Variants in SLC35E2B observed in about 807,000 individuals in gnomAD.
SLC35E2B encodes solute carrier family 35 member E2B.
In SLC35E2B, 18 loss-of-function variants were observed where a neutral mutation model predicts 32.4. That is an observed-to-expected ratio of 0.56 (90% CI 0.38 to 0.82). The LOEUF (loss-of-function observed/expected upper bound fraction) is 0.82. SLC35E2B is among the 40% of genes least tolerant of loss of function. SLC35E2B has a pLI of 0.00. For synonymous variants in SLC35E2B, 132 were observed against 209.1 expected (o/e 0.63, Z 3.18); for missense variants, 263 against 469.5 (o/e 0.56, Z 4.06).
At chr1:1,684,518 A>G (rs1337421137) in intron 2 of SLC35E2B, among the ~76,000 whole-genome samples, 1 of 152,042 alleles carries the variant, frequency 6.6e-6, no homozygotes, top group Non-Finnish European at 1.5e-5. Flanking sequence ...GAGGCTGGGC[A>G]CAGTGGCTCA....
rs1352553579 is a variant in SLC35E2B, at chr1:1,662,987, T to C, written c.*2795A>G. 1.1e-6 allele frequency: 1 copy of C among 944,998 alleles called. No homozygotes were observed. The highest frequency in any genetic ancestry group is 1.1e-4 in the East Asian group (1 of 8,732). The allele number at this position is 944,998 out of a possible 1,614,324, so 58.5% of individuals were successfully genotyped here. On this transcript the variant is annotated 3_prime_UTR_variant, in exon 10 of 10. Coordinates refer to ENST00000617444, the MANE Select transcript of SLC35E2B (RefSeq NM_001290264.2). ...GCCAAGCCAGGCCTTGGGTTTTGCCTCTTGGTGCCCGGCTGTGCTGGGAAT... is the reference window on the plus strand; with the variant it reads ...GCCAAGCCAGGCCTTGGGTTTTGCCCCTTGGTGCCCGGCTGTGCTGGGAAT...
chr1:1,662,380 A>C lies in SLC35E2B; in HGVS notation c.*3402T>G. ...GGCCATCCTTTGGACACATGTAAAA[A>C]GCTGTCTTGTTGGCCTGTTATTCCC... is the stretch of plus-strand genomic sequence containing the variant. On this transcript the variant is annotated 3_prime_UTR_variant, in exon 10 of 10. Transcript: ENST00000617444. The C allele has an allele frequency of 2.2e-6, 2 of 889,378 alleles. No homozygotes were observed. The highest frequency in any genetic ancestry group is 1.3e-6 in the Non-Finnish European group (1 of 753,654). The allele number at this position is 889,378 out of a possible 1,614,324, so 55.1% of individuals were successfully genotyped here. A position where few individuals can be genotyped will look rare whatever the true frequency, so the allele number is the denominator to read the frequency against.
At position 1,684,429 on chromosome 1, in the gene SLC35E2B, G is replaced by A. The variant is rs570262092; in HGVS notation, c.-148+6547C>T. On this transcript the variant is annotated intron_variant, in intron 2 of 9. Transcript: ENST00000617444. ...ATCACAACTCAGACCATGGTAAGTGGGGACCACCCACAACCCAAGTGGGCC... is the reference window on the plus strand; with the variant it reads ...ATCACAACTCAGACCATGGTAAGTGAGGACCACCCACAACCCAAGTGGGCC... 1.4e-4 allele frequency among the ~76,000 whole-genome samples: 21 copies of A among 152,278 alleles called. No homozygotes were observed. In the South Asian group the frequency reaches 3.5e-3, roughly 26 times the overall value.
At chr1:1,670,721 T>G (rs1370810635) in intron 6 of SLC35E2B, 2 of 152,408 alleles carry the variant, frequency 1.3e-5, no homozygotes, top group Non-Finnish European at 2.9e-5. Flanking sequence ...GTGCCCAACA[T>G]ATTTTTATTT....
rs1019270413 is a variant in SLC35E2B, at chr1:1,665,098, G to A, written c.*684C>T. ...TGTGGAAGGGATAGGAGGGCAGGGT[G>A]TGGAAGAGGTAGGGGGCCTTCCTCT... On this transcript the variant is annotated 3_prime_UTR_variant, in exon 10 of 10. Coordinates refer to ENST00000617444, the MANE Select transcript of SLC35E2B (RefSeq NM_001290264.2). The A allele has an allele frequency of 5.0e-5, 16 of 322,512 alleles. No individual in the cohort carries two copies. The highest frequency in any genetic ancestry group is 7.1e-5 in the Non-Finnish European group (16 of 223,972). The allele number at this position is 322,512 out of a possible 1,614,324, so 20.0% of individuals were successfully genotyped here. A position where few individuals can be genotyped will look rare whatever the true frequency, so the allele number is the denominator to read the frequency against.
At chr1:1,684,524 G>T (rs945955631) in intron 2 of SLC35E2B, among the ~76,000 whole-genome samples, 9 of 152,166 alleles carry the variant, frequency 5.9e-5, no homozygotes, top group African/African-American at 9.7e-5. Context: ...GGGCACAGTG[G>T]CTCACGCCTG....
At chr1:1,673,620 A>C (rs1434290609) in intron 5 of SLC35E2B, among the ~76,000 whole-genome samples, 1 of 151,964 alleles carries the variant, frequency 6.6e-6, no homozygotes, top group African/African-American at 2.4e-5. Context: ...CAGTGAGCCA[A>C]GATTGCGCCA....
At chr1:1,672,953 T>A (rs968111696) in intron 5 of SLC35E2B, 3 of 153,552 alleles carry the variant, frequency 2.0e-5, no homozygotes, top group African/African-American at 7.2e-5. Flanking sequence ...TTTTCTAACA[T>A]CTCATCGACC....
chr1:1,667,490 G>C lies in SLC35E2B; in HGVS notation c.980+837C>G, dbSNP rs1643578321. 2.0e-5 allele frequency among the ~76,000 whole-genome samples: 3 copies of C among 152,114 alleles called. No individual in the cohort carries two copies. The South Asian group carries it at 6.2e-4, about 32-fold the overall frequency. On this transcript the variant is annotated intron_variant, in intron 9 of 9. Transcript: ENST00000617444. ...TTCAATCTGCCCAGTTACAGAAGTG[G>C]AAAGAAGCTGAAGGATCCTCCCCGT...
intron 9 of SLC35E2B, among the ~76,000 whole-genome samples, chr1:1,666,854 C>T (rs1404064859): frequency 6.6e-6 from 1 of 152,128 alleles, no homozygotes; most frequent in Non-Finnish European, 1.5e-5. Context: ...GCCTGTAATC[C>T]CAGCACTGTG....
intron 2 of SLC35E2B, among the ~76,000 whole-genome samples, chr1:1,686,697 C>T (rs1226974646): frequency 6.6e-6 from 1 of 151,580 alleles, no homozygotes; most frequent in Non-Finnish European, 1.5e-5. Context: ...ACCTAGAAGA[C>T]GGAGGTCGCA....
At chr1:1,669,948 G>T in intron 7 of SLC35E2B, 150 bp downstream of exon 7, 1 of 862,150 alleles carries the variant, frequency 1.2e-6, no homozygotes. Context: ...AAACGGGCGG[G>T]TCCCTCCCGA....
At chr1:1,690,519 A>C (rs1229468190) in intron 2 of SLC35E2B, among the ~76,000 whole-genome samples, 1 of 142,272 alleles carries the variant, frequency 7.0e-6, no homozygotes, top group Non-Finnish European at 1.5e-5. Flanking sequence ...CGGGCAGATC[A>C]CCTGAGGTCA....
intron 5 of SLC35E2B, chr1:1,674,222 TC>T (rs1184784180): frequency 6.3e-6 from 1 of 158,470 alleles, no homozygotes; most frequent in East Asian, 1.8e-4. Flanking sequence ...GAGGACTCGG[TC>T]TTCCCAGGTG....
rs1412348802 is a variant in SLC35E2B at position 1,663,895 on chromosome 1, T to C, written c.*1887A>G. On this transcript the variant is annotated 3_prime_UTR_variant, in exon 10 of 10. Coordinates refer to ENST00000617444, the MANE Select transcript of SLC35E2B (RefSeq NM_001290264.2). ...TCCTCCACACACAGGTCAGCGGTTT[T>C]ATAGAAGCGGCTGAAGCAGGTGTAG... The C allele has an allele frequency of 1.2e-6, 1 of 819,348 alleles. No homozygotes were observed. The highest frequency in any genetic ancestry group is 1.8e-5 in the African/African-American group (1 of 56,228). 50.8% of individuals were successfully genotyped at this position (819,348 alleles called of 1,614,324 possible). A position where few individuals can be genotyped will look rare whatever the true frequency, so the allele number is the denominator to read the frequency against.
rs1222684281 is a variant in SLC35E2B at position 1,675,473 on chromosome 1, C to T, written c.576G>A (p.Gly192=). 8 of 1,610,952 alleles carry T rather than the reference C, an allele frequency of 5.0e-6. No homozygotes were observed. The highest frequency in any genetic ancestry group is 5.1e-6 in the Non-Finnish European group (6 of 1,179,044). ...GCCCGGGGGCCTCACCTGTGTACTCCCCCAGAATCATCCGAGACATGATCA... is the reference window on the plus strand; with the variant it reads ...GCCCGGGGGCCTCACCTGTGTACTCTCCCAGAATCATCCGAGACATGATCA... ...FTVIMSRMIL[G]EYTGLLVNLS... is the part of the protein sequence containing the mutation. The change falls in exon 5 of 10, where the codon GGG becomes GGA. Residue 192 remains glycine (G), a synonymous_variant. Coordinates refer to ENST00000617444, the MANE Select transcript of SLC35E2B (RefSeq NM_001290264.2).
At chr1:1,667,671 C>A (rs1220127882) in intron 9 of SLC35E2B, among the ~76,000 whole-genome samples, 3 of 152,116 alleles carry the variant, frequency 2.0e-5, no homozygotes, top group African/African-American at 7.2e-5. Flanking sequence ...GGCTCCTGCA[C>A]TGGACAGCCC....
rs963859872 is a variant in SLC35E2B at position 1,671,650 on chromosome 1, G to A, written c.587-21C>T. ...CAGCCCTGGCGAGAGGACAGCCCCTGTGAGTGGCTGACCCGCCGGGCGGAC... is the reference window on the plus strand; with the variant it reads ...CAGCCCTGGCGAGAGGACAGCCCCTATGAGTGGCTGACCCGCCGGGCGGAC... On this transcript the variant is annotated intron_variant, in intron 5 of 9. Transcript: ENST00000617444. The A allele has an allele frequency of 1.3e-4, 189 of 1,510,236 alleles. 1 individual carries two copies. The highest frequency in any genetic ancestry group is 1.6e-4 in the Non-Finnish European group (176 of 1,123,976). The allele number at this position is 1,510,236 out of a possible 1,614,324, so 93.6% of individuals were successfully genotyped here.
At chr1:1,677,828 C>T (rs949380587) in intron 2 of SLC35E2B, among the ~76,000 whole-genome samples, 7 of 152,022 alleles carry the variant, frequency 4.6e-5, no homozygotes, top group East Asian at 1.9e-4. Flanking sequence ...ACTGTGGCTT[C>T]GGGGCGAGAC....
Sources: allele counts gnomAD v4.1 joint callset (sites outside exome capture counted in the v4.1 genomes callset), GRCh38; gene constraint gnomAD v4.1.1; transcripts MANE v1.5; gene names NCBI Gene and HGNC (gene_info 2026-07-23, HGNC 2026-07-21).